Variants in TYSND1 observed in about 807,000 individuals in gnomAD.
The protein encoded by TYSND1 is peroxisomal leader peptide-processing protease.
A neutral mutation model predicts 37.2 loss-of-function variants in TYSND1; 30 were observed. The ratio of observed to expected loss-of-function variants is 0.81; its 90% CI spans 0.60 to 1.09. TYSND1 has a LOEUF of 1.09. TYSND1 is among the 50% of genes least tolerant of loss of function. TYSND1 has a pLI of 0.00. For missense variants in TYSND1, 806 were observed against 817.4 expected (o/e 0.99, Z 0.17); for synonymous variants, 364 against 383.8 (o/e 0.95, Z 0.60).
chr10:70,142,076 G>C (rs945690093), intron 3 of TYSND1, among the ~76,000 whole-genome samples: 2 of 152,170 alleles, frequency 1.3e-5, no homozygotes, highest in African/African-American at 4.8e-5. Flanking sequence ...AGTTAGACTG[G>C]ACTGGAGTTG....
chr10:70,145,943 T>C lies in TYSND1; in HGVS notation c.644A>G (p.Lys215Arg), dbSNP rs1002809058. ...GCCGCAGACCAGCAATGGCGCACCCTTGGGCACGGCCCCGAGAGGCGACAC... is the reference window on the plus strand; with the variant it reads ...GCCGCAGACCAGCAATGGCGCACCCCTGGGCACGGCCCCGAGAGGCGACAC... ...MAVSPLGAVP[K>R]GAPLLVCGSP... The change falls in exon 1 of 4, where the codon AAG (lysine) becomes AGG (arginine). Residue 215 changes from lysine (K) to arginine (R), a missense_variant. This residue lies in a region of TYSND1 where 708 missense variants were observed against 705.4 expected (regional missense o/e 1.00). Coordinates refer to ENST00000287078, the MANE Select transcript of TYSND1 (RefSeq NM_173555.4). 1 of 1,555,056 alleles carries C rather than the reference T, an allele frequency of 6.4e-7. No homozygotes were observed. The highest frequency in any genetic ancestry group is 1.2e-5 in the South Asian group (1 of 84,380).
chr10:70,144,107 G>T, intron 1 of TYSND1, 135 bp from the exon 2 acceptor site: 2 of 1,094,318 alleles, frequency 1.8e-6, no homozygotes, highest in Non-Finnish European at 1.3e-6. Flanking sequence ...GGCAACTCTG[G>T]GCAAGTCATG....
Position 70,146,466 on chromosome 10 carries a change from G to T in TYSND1, c.121C>A (p.Arg41Ser). 1 of 1,603,494 alleles carries T rather than the reference G, an allele frequency of 6.2e-7. No individual in the cohort carries two copies. The highest frequency in any genetic ancestry group is 8.5e-7 in the Non-Finnish European group (1 of 1,178,706). Residue 41 changes from arginine to serine, a missense_variant, in exon 1 of 4, where the codon CGT becomes AGT. Transcript: ENST00000287078. The stretch of plus-strand genomic sequence containing the variant: ...TGGCAAAGCACCAGGCCCGGGCTAC[G>T]GCTCAGGATTACCCCGCTGCAGCTC... ...PWSCSGVILS[R>S]SPGLVLCHGG...
At chr10:70,142,577 A>G (rs1033549142) in intron 3 of TYSND1, 91 bp downstream of exon 3, 1 of 1,203,948 alleles carries the variant, frequency 8.3e-7, no homozygotes, top group South Asian at 1.5e-5. Flanking sequence ...TCCCAGACAG[A>G]GGGTGCACTG....
In TYSND1 at chr10:70,145,908, C is replaced by G; in HGVS notation, c.679G>C (p.Gly227Arg). Residue 227 changes from glycine (G) to arginine (R), a missense_variant, in exon 1 of 4, where the codon GGC (glycine) becomes CGC (arginine). Gly to Arg is a moderately radical substitution (Grantham distance 125). Transcript: ENST00000287078. ...APLLVCGSPF[G>R]AFCPDIFLNT... is the part of the protein sequence containing the mutation. Reference sequence around the variant, plus strand: ...AGAAAGATGTCGGGGCAGAAGGCGCCGAAAGGGGAGCCGCAGACCAGCAAT... The same window carrying G: ...AGAAAGATGTCGGGGCAGAAGGCGCGGAAAGGGGAGCCGCAGACCAGCAAT... 6.5e-7 allele frequency: 1 copy of G among 1,548,954 alleles called. No individual in the cohort carries two copies. The highest frequency in any genetic ancestry group is 2.4e-5 in the East Asian group (1 of 40,906).
rs71472947 is a variant in TYSND1, at chr10:70,146,645, AC to A, written c.-60del. Reference sequence around the variant, plus strand: ...AGAAACAGCAAGCTAGCGAGCGAGGACCCCTACCCGGTCCGGCTGAAGCTGC... The same window carrying A: ...AGAAACAGCAAGCTAGCGAGCGAGGACCCTACCCGGTCCGGCTGAAGCTGC... On this transcript the variant is annotated 5_prime_UTR_variant, in exon 1 of 4. Coordinates refer to ENST00000287078, the MANE Select transcript of TYSND1 (RefSeq NM_173555.4). 2.0e-5 allele frequency: 28 copies of A among 1,419,392 alleles called. No homozygotes were observed. The highest frequency in any genetic ancestry group is 2.5e-5 in the Non-Finnish European group (27 of 1,089,094). The allele number at this position is 1,419,392 out of a possible 1,614,324, so 87.9% of individuals were successfully genotyped here. A position where few individuals can be genotyped will look rare whatever the true frequency, so the allele number is the denominator to read the frequency against.
At chr10:70,142,920 C>A (rs1199989808) in intron 2 of TYSND1, 67 bp from the exon 3 acceptor site, 4 of 1,543,252 alleles carry the variant, frequency 2.6e-6, no homozygotes, top group Admixed American at 1.8e-5. Context: ...CACTCCCTAA[C>A]TCCCATCCCT....
In TYSND1 at chr10:70,138,246, G is replaced by C. The variant is rs2072699180; in HGVS notation, c.*1678C>G. 1 of 152,198 alleles carries C rather than the reference G, an allele frequency of 6.6e-6. No homozygotes were observed. Among genetic ancestry groups the C allele is most frequent in the South Asian group, 2.1e-4 (1 of 4,832 alleles). The allele number at this position is 152,198 out of a possible 1,614,324, so 9.4% of individuals were successfully genotyped here. ...TGGGAAGGTCTTTAGGACCCACTGT[G>C]AAAAAGGTGGGCGAACATTAGTGAA... is the stretch of plus-strand genomic sequence containing the variant. On this transcript the variant is annotated 3_prime_UTR_variant, in exon 4 of 4. Coordinates refer to ENST00000287078, the MANE Select transcript of TYSND1 (RefSeq NM_173555.4).
At position 70,145,682 on chromosome 10, in the gene TYSND1, A is replaced by G; in HGVS notation, c.905T>C (p.Leu302Pro). Residue 302 changes from leucine to proline, a missense_variant, in exon 1 of 4, where the codon CTT becomes CCT. Transcript: ENST00000287078. Reference protein sequence around the residue: ...GFTLLCAAAPLFRAARDALHR... With the variant: ...GFTLLCAAAPPFRAARDALHR... ...AAGCGCGTCGCGGGCGGCGCGGAAA[A>G]GGGGGGCGGCGGCGCAGAGCAGCGT... The G allele has an allele frequency of 7.2e-7, 1 of 1,385,892 alleles. No homozygotes were observed. 85.8% of individuals were successfully genotyped at this position (1,385,892 alleles called of 1,614,324 possible). A position where few individuals can be genotyped will look rare whatever the true frequency, so the allele number is the denominator to read the frequency against.
chr10:70,139,892 T>C lies in TYSND1; in HGVS notation c.*32A>G. On this transcript the variant is annotated 3_prime_UTR_variant, in exon 4 of 4. Coordinates refer to ENST00000287078, the MANE Select transcript of TYSND1 (RefSeq NM_173555.4). ...CATCACTTCCTACAGCAGAAAAAGGTCACTCTTCTTTCCAAAGGTGGTAAC... is the reference window on the plus strand; with the variant it reads ...CATCACTTCCTACAGCAGAAAAAGGCCACTCTTCTTTCCAAAGGTGGTAAC... The C allele has an allele frequency of 6.3e-7, 1 of 1,591,156 alleles. No homozygotes were observed. Among genetic ancestry groups the C allele is most frequent in the East Asian group, 2.2e-5 (1 of 44,508 alleles).
intron 2 of TYSND1, among the ~76,000 whole-genome samples, chr10:70,143,155 C>T (rs1185857201): frequency 6.6e-6 from 1 of 152,200 alleles, no homozygotes. Flanking sequence ...CACCTACCTA[C>T]ATGCTCAATA....
chr10:70,143,993 T>C, intron 1 of TYSND1, 21 bp from the exon 2 acceptor site: 1 of 1,613,844 alleles, frequency 6.2e-7, no homozygotes, highest in Non-Finnish European at 8.5e-7. Context: ...GGGAAACAAA[T>C]GACAGGCTAG....
chr10:70,145,631 G>A lies in TYSND1; in HGVS notation c.956C>T (p.Ala319Val). 1.4e-6 allele frequency: 2 copies of A among 1,422,420 alleles called. No homozygotes were observed. Among genetic ancestry groups the A allele is most frequent in the Non-Finnish European group, 1.8e-6 (2 of 1,095,324 alleles). 88.1% of individuals were successfully genotyped at this position (1,422,420 alleles called of 1,614,324 possible). ...ALHRLPHSTA[A>V]LAALLPPEVG... ...CTCTGGCGGCAGAAGGGCGGCCAGG[G>A]CAGCGGTGCTGTGCGGCAGGCGGTG... Residue 319 changes from alanine to valine, a missense_variant, in exon 1 of 4, where the codon GCC (alanine) becomes GTC (valine). This residue lies in a region of TYSND1 where 708 missense variants were observed against 705.4 expected (regional missense o/e 1.00). Coordinates refer to ENST00000287078, the MANE Select transcript of TYSND1 (RefSeq NM_173555.4).
chr10:70,140,198 G>A lies in TYSND1; in HGVS notation c.1484-57C>T. On this transcript the variant is annotated intron_variant, in intron 3 of 3. Coordinates refer to ENST00000287078, the MANE Select transcript of TYSND1 (RefSeq NM_173555.4). ...TGAGCCAGGGGGCAGAAAGGCTGGA[G>A]AAGGGAGGAGGACCATCTCCACCCT... 10 of 1,455,710 alleles carry A rather than the reference G, an allele frequency of 6.9e-6. No individual in the cohort carries two copies. The South Asian group carries it at 1.3e-4, about 19-fold the overall frequency. 90.2% of individuals were successfully genotyped at this position (1,455,710 alleles called of 1,614,324 possible).
intron 1 of TYSND1, chr10:70,144,730 T>G: frequency 1.0e-6 from 1 of 985,554 alleles, no homozygotes; most frequent in Non-Finnish European, 1.2e-6. Context: ...TCATCATCAG[T>G]CTTCCCTATA....
chr10:70,145,670 G>C lies in TYSND1; in HGVS notation c.917C>G (p.Ala306Gly). 1 of 1,387,614 alleles carries C rather than the reference G, an allele frequency of 7.2e-7. No individual in the cohort carries two copies. Among genetic ancestry groups the C allele is most frequent in the Non-Finnish European group, 9.3e-7 (1 of 1,080,278 alleles). 86.0% of individuals were successfully genotyped at this position (1,387,614 alleles called of 1,614,324 possible). A position where few individuals can be genotyped will look rare whatever the true frequency, so the allele number is the denominator to read the frequency against. The change falls in exon 1 of 4, where the codon GCC (alanine) becomes GGC (glycine). Residue 306 changes from alanine to glycine, a missense_variant. Coordinates refer to ENST00000287078, the MANE Select transcript of TYSND1 (RefSeq NM_173555.4). ...LCAAAPLFRA[A>G]RDALHRLPHS... is the part of the protein sequence containing the mutation. ...CGGCAGGCGGTGAAGCGCGTCGCGG[G>C]CGGCGCGGAAAAGGGGGGCGGCGGC... is the stretch of plus-strand genomic sequence containing the variant.
chr10:70,143,952 C>T lies in TYSND1; in HGVS notation c.1187G>A (p.Arg396His), dbSNP rs146018076. 1.1e-4 allele frequency: 182 copies of T among 1,614,056 alleles called. No homozygotes were observed. The highest frequency in any genetic ancestry group is 1.3e-4 in the Non-Finnish European group (149 of 1,180,024). The change falls in exon 2 of 4, where the codon CGT (arginine) becomes CAT (histidine). Residue 396 changes from arginine to histidine, a missense_variant. By Grantham distance (29) the Arg-to-His change is conservative. Coordinates refer to ENST00000287078, the MANE Select transcript of TYSND1 (RefSeq NM_173555.4). ...TTPKSVAIWG[R>H]VVFATQETCP... is the part of the protein sequence containing the mutation. Reference sequence around the variant, plus strand: ...TGTCTCCTGAGTGGCAAATACCACACGGCCCCAGATGGCCACACTCCTGGG... The same window carrying T: ...TGTCTCCTGAGTGGCAAATACCACATGGCCCCAGATGGCCACACTCCTGGG...
rs1236313574 is a variant in TYSND1 at position 70,145,522 on chromosome 10, T to C, written c.1065A>G (p.Val355=). The change falls in exon 1 of 4, where the codon GTA becomes GTG. Residue 355 remains valine, a synonymous_variant. Transcript: ENST00000287078. The stretch of plus-strand genomic sequence containing the variant: ...GTGCCACAGCCACTCCGGAGCCCCA[T>C]ACGGTGCCGCACTCCACCAACACTG... ...AAAVLVECGT[V]WGSGVAVAPR... is the part of the protein sequence containing the mutation. The C allele has an allele frequency of 2.0e-6, 3 of 1,525,282 alleles. No individual in the cohort carries two copies. Among genetic ancestry groups the C allele is most frequent in the Non-Finnish European group, 2.6e-6 (3 of 1,143,156 alleles). The allele number at this position is 1,525,282 out of a possible 1,614,324, so 94.5% of individuals were successfully genotyped here.
In TYSND1 at chr10:70,146,125, C is replaced by T. The variant is rs760011813; in HGVS notation, c.462G>A (p.Glu154=). ...WAHFARLFGD[E]AAEQWRFSSA... is the part of the protein sequence containing the mutation. ...TCGAGAAGCGCCACTGTTCCGCTGC[C>T]TCGTCCCCGAAGAGGCGCGCGAAGT... is the stretch of plus-strand genomic sequence containing the variant. The change falls in exon 1 of 4, where the codon GAG becomes GAA. Residue 154 remains glutamate (E), a synonymous_variant. Transcript: ENST00000287078. 8.3e-6 allele frequency: 13 copies of T among 1,560,310 alleles called. No homozygotes were observed. The highest frequency in any genetic ancestry group is 1.9e-5 in the Admixed American group (1 of 52,442).
Sources: gnomAD v4.1 joint callset for allele counts (sites outside exome capture counted in the v4.1 genomes callset) on GRCh38, gnomAD v4.1.1 for gene constraint, gnomAD v4.1.1 regional missense constraint, MANE v1.5 for transcripts, NCBI Gene and HGNC (gene_info 2026-07-23, HGNC 2026-07-21) for gene names.